SPOCK3: variants seen among roughly 807,000 people sequenced by gnomAD.
The protein encoded by SPOCK3 is SPARC (osteonectin), cwcv and kazal like domains proteoglycan 3.
SPOCK3 carries 30 observed loss-of-function variants against 56.6 expected under a neutral mutation model. The ratio of observed to expected loss-of-function variants is 0.53; its 90% CI spans 0.40 to 0.72. The LOEUF (loss-of-function observed/expected upper bound fraction) is 0.72. SPOCK3 is among the 30% of genes least tolerant of loss of function. SPOCK3 has a pLI of 0.00. For missense variants in SPOCK3, 527 were observed against 530.0 expected, an observed-to-expected ratio of 0.99 and a Z score of 0.06; for synonymous variants, 196 against 183.3, an observed-to-expected ratio of 1.07 and a Z score of -0.56.
At chr4:167,206,961 C>T (rs1457279507) in intron 2 of SPOCK3, among the ~76,000 whole-genome samples, 1 of 151,378 alleles carries the variant, frequency 6.6e-6, no homozygotes, top group African/African-American at 2.4e-5. Flanking sequence ...GGAATGTTCC[C>T]AACACAAAAA....
At chr4:166,754,829 A>G in intron 7 of SPOCK3, 100 bp from the exon 8 acceptor site, 1 of 1,027,292 alleles carries the variant, frequency 9.7e-7, no homozygotes, top group Non-Finnish European at 1.4e-6. Context: ...TAGGACATCT[A>G]ATGAATAGTT....
chr4:167,052,035 C>A (rs909690222), intron 3 of SPOCK3, among the ~76,000 whole-genome samples: 13 of 152,150 alleles, frequency 8.5e-5, no homozygotes, highest in Non-Finnish European at 4.4e-5. Context: ...GTAAATCAAG[C>A]ATTATATAGT....
At chr4:166,997,337 T>C (rs1579944649) in intron 4 of SPOCK3, among the ~76,000 whole-genome samples, 1 of 152,160 alleles carries the variant, frequency 6.6e-6, no homozygotes, top group East Asian at 1.9e-4. Flanking sequence ...ATAAAATATT[T>C]AAAAATCCTC....
intron 4 of SPOCK3, among the ~76,000 whole-genome samples, chr4:166,980,481 T>C (rs1746453458): frequency 6.6e-6 from 1 of 152,234 alleles, no homozygotes; most frequent in Admixed American, 6.5e-5. Context: ...GCCCAAGTTT[T>C]GCTTGGGCCC....
intron 5 of SPOCK3, among the ~76,000 whole-genome samples, chr4:166,907,119 A>T (rs1039410609): frequency 6.6e-6 from 1 of 152,098 alleles, no homozygotes; most frequent in Non-Finnish European, 1.5e-5. Context: ...TGTAGTGAAA[A>T]GGCCATGGGT....
At chr4:166,752,573 TACACACACACACACACAC>T (rs67209921) in intron 8 of SPOCK3, among the ~76,000 whole-genome samples, 18 of 28,926 alleles carry the variant, frequency 6.2e-4, no homozygotes, top group Non-Finnish European at 8.2e-4. Flanking sequence ...TATATATATA[TACACACACACACACACAC>T]ACACACACAC....
In SPOCK3 at chr4:167,101,278, C is replaced by T. The variant is rs115801387; in HGVS notation, c.190-38741G>A. Reference sequence around the variant, plus strand: ...TCCCCAAAATTTTATGGCTTTGGTTCTCCAAACCCTTCTTGTTGTACTCAC... The same window carrying T: ...TCCCCAAAATTTTATGGCTTTGGTTTTCCAAACCCTTCTTGTTGTACTCAC... On this transcript the variant is annotated intron_variant, in intron 2 of 10. Transcript: ENST00000357545. Among the ~76,000 whole-genome samples, 797 of 152,230 alleles carry T rather than the reference C, an allele frequency of 5.2e-3. 1 individual carries two copies. Among genetic ancestry groups the T allele is most frequent in the South Asian group, 0.02 (95 of 4,820 alleles).
chr4:166,986,766 T>A (rs1368362348), intron 4 of SPOCK3, among the ~76,000 whole-genome samples: 1 of 152,136 alleles, frequency 6.6e-6, no homozygotes, highest in Non-Finnish European at 1.5e-5. Context: ...ACATCGCCAT[T>A]TCAACAAATA....
Position 166,851,107 on chromosome 4 carries a change from G to A in SPOCK3, c.589+38023C>T, listed in dbSNP as rs557778861. Among the ~76,000 whole-genome samples the A allele has an allele frequency of 3.0e-3, 449 of 152,162 alleles. 3 individuals are homozygous for A. Among genetic ancestry groups the A allele is most frequent in the African/African-American group, 9.3e-3 (386 of 41,418 alleles). On this transcript the variant is annotated intron_variant, in intron 6 of 10. Transcript: ENST00000357545. ...AAGAGAGCAGTGGTTCTCCCAGCAC[G>A]CAGCTGGAGATCTGAGAACTGGCAG... is the stretch of plus-strand genomic sequence containing the variant.
At chr4:166,816,657 A>G (rs191172510) in intron 6 of SPOCK3, among the ~76,000 whole-genome samples, 1 of 152,218 alleles carries the variant, frequency 6.6e-6, no homozygotes, top group East Asian at 1.9e-4. Flanking sequence ...ATGCATAACT[A>G]ATTTTAAATC....
At chr4:166,798,380 C>G (rs1002647646) in intron 6 of SPOCK3, among the ~76,000 whole-genome samples, 1 of 152,030 alleles carries the variant, frequency 6.6e-6, no homozygotes, top group Non-Finnish European at 1.5e-5. Flanking sequence ...GCTAATTCTG[C>G]CAGTAAGAGG....
intron 2 of SPOCK3, among the ~76,000 whole-genome samples, chr4:167,141,254 A>T (rs879339022): frequency 2.0e-5 from 3 of 149,928 alleles, no homozygotes; most frequent in Non-Finnish European, 4.4e-5. Flanking sequence ...GTACAGTCAT[A>T]AAAAAAAGGT....
intron 2 of SPOCK3, among the ~76,000 whole-genome samples, chr4:167,205,437 AAT>A (rs1734117649): frequency 4.3e-5 from 2 of 46,080 alleles, no homozygotes; most frequent in Admixed American, 4.2e-4. Context: ...TATAATATAT[AAT>A]ATAATATATA....
chr4:167,153,102 A>G lies in SPOCK3; in HGVS notation c.189+80883T>C, dbSNP rs186199045. Among the ~76,000 whole-genome samples, 11 of 152,334 alleles carry G rather than the reference A, an allele frequency of 7.2e-5. 1 individual carries two copies. Among genetic ancestry groups the G allele is most frequent in the Admixed American group, 6.5e-4 (10 of 15,294 alleles). ...AGAGAGATACTATTTTTGCCATTCT[A>G]CAGATGATAAAACTGAGGTTCAGTA... On this transcript the variant is annotated intron_variant, in intron 2 of 10. Coordinates refer to ENST00000357545, the MANE Select transcript of SPOCK3 (RefSeq NM_001040159.2).
intron 2 of SPOCK3, among the ~76,000 whole-genome samples, chr4:167,186,978 C>CAAAAAA (rs67424272): frequency 1.1e-5 from 1 of 88,408 alleles, no homozygotes; most frequent in Non-Finnish European, 2.5e-5. Context: ...CTCTGTGCCT[C>CAAAAAA]AAAAAAAAAA....
At chr4:166,765,373 A>G (rs547817989) in intron 7 of SPOCK3, among the ~76,000 whole-genome samples, 1 of 152,240 alleles carries the variant, frequency 6.6e-6, no homozygotes, top group Non-Finnish European at 1.5e-5. Context: ...ATAAGACATA[A>G]GGAAGGGATC....
chr4:166,830,385 T>G (rs535026665), intron 6 of SPOCK3, among the ~76,000 whole-genome samples: 1 of 152,318 alleles, frequency 6.6e-6, no homozygotes, highest in Middle Eastern at 3.4e-3. Context: ...TAACTTATTT[T>G]AACAATTCTG....
chr4:166,937,934 CT>C (rs548107592), intron 4 of SPOCK3, among the ~76,000 whole-genome samples: 11,794 of 131,472 alleles, frequency 0.09, 616 homozygotes, highest in African/African-American at 0.15. Flanking sequence ...CGGCTAATCT[CT>C]TTTTTTTTTT....
intron 4 of SPOCK3, among the ~76,000 whole-genome samples, chr4:166,962,888 G>T (rs1744293557): frequency 6.6e-6 from 1 of 152,098 alleles, no homozygotes; most frequent in East Asian, 1.9e-4. Flanking sequence ...AGAGGCATCA[G>T]CTCATTTAAT....
Sources: gnomAD v4.1 joint callset for allele counts (sites outside exome capture counted in the v4.1 genomes callset) on GRCh38, gnomAD v4.1.1 for gene constraint, MANE v1.5 for transcripts, NCBI Gene and HGNC (gene_info 2026-07-23, HGNC 2026-07-21) for gene names.